Variants in TMEM144 observed in about 807,000 individuals in gnomAD.
The protein encoded by TMEM144 is transmembrane protein 144.
Under a neutral mutation model 43.6 loss-of-function variants are expected in TMEM144, and 39 were observed. The ratio of observed to expected loss-of-function variants is 0.90; its 90% CI spans 0.69 to 1.17. The LOEUF is 1.17. Ranked by LOEUF, TMEM144 falls within the 50% of genes most tolerant of loss-of-function variation. The pLI is 0.00. For missense variants in TMEM144, 417 were observed against 411.9 expected, an observed-to-expected ratio of 1.01 and a Z score of -0.11; for synonymous variants, 154 against 133.6, an observed-to-expected ratio of 1.15 and a Z score of -1.06.
intron 7 of TMEM144, 196 bp downstream of exon 7, chr4:158,233,178 C>G (rs1735168992): frequency 4.4e-6 from 2 of 454,754 alleles, no homozygotes; most frequent in South Asian, 4.0e-5. Flanking sequence ...TCTCAGCAAG[C>G]ACACGGGTTT....
At chr4:158,249,887 G>GGT (rs149144602) in intron 12 of TMEM144, among the ~76,000 whole-genome samples, 1,970 of 134,490 alleles carry the variant, frequency 0.015, 24 homozygotes, top group African/African-American at 0.036. Context: ...CCTACTGCCA[G>GGT]GTGTGTGTGT....
Position 158,232,811 on chromosome 4 carries a change from T to C in TMEM144, c.414-90T>C, listed in dbSNP as rs1220467656. 3 of 862,234 alleles carry C rather than the reference T, an allele frequency of 3.5e-6. No individual in the cohort carries two copies. The African/African-American group carries it at 5.2e-5, about 15-fold the overall frequency. The allele number at this position is 862,234 out of a possible 1,614,324, so 53.4% of individuals were successfully genotyped here. On this transcript the variant is annotated intron_variant, in intron 6 of 12. Coordinates refer to ENST00000296529, the MANE Select transcript of TMEM144 (RefSeq NM_018342.5). ...TCATTGTATCATTAGGATCCGATTA[T>C]TTAAGGTGTGTGTTTTTTTCTTAAA...
At chr4:158,243,335 A>C (rs148125976) in intron 11 of TMEM144, among the ~76,000 whole-genome samples, 74 of 152,314 alleles carry the variant, frequency 4.9e-4, no homozygotes, top group African/African-American at 1.7e-3. Flanking sequence ...AGATACTGAT[A>C]AACAGAGAGG....
chr4:158,217,421 G>A lies in TMEM144; in HGVS notation c.332+1G>A. 1.2e-6 allele frequency: 2 copies of A among 1,607,052 alleles called. No individual in the cohort carries two copies. Among genetic ancestry groups the A allele is most frequent in the Non-Finnish European group, 1.7e-6 (2 of 1,174,196 alleles). On this transcript the variant is annotated splice_donor_variant, in intron 5 of 12. Coordinates refer to ENST00000296529, the MANE Select transcript of TMEM144 (RefSeq NM_018342.5). LOFTEE classifies it high-confidence loss of function. ...CCTTAACTGGCTGGGCAAGCTCAAGGTAATTCAAGTCAAACTAGTTCAACT... is the reference window on the plus strand; with the variant it reads ...CCTTAACTGGCTGGGCAAGCTCAAGATAATTCAAGTCAAACTAGTTCAACT...
At position 158,253,704 on chromosome 4, in the gene TMEM144, A is replaced by T; in HGVS notation, c.*177A>T. On this transcript the variant is annotated 3_prime_UTR_variant, in exon 13 of 13. Transcript: ENST00000296529. ...TGAGAATGAAGGAAGATTGAGTTTC[A>T]TTCAAGTATAAAAATGAAAATTTCT... 1 of 580,430 alleles carries T rather than the reference A, an allele frequency of 1.7e-6. No homozygotes were observed. The highest frequency in any genetic ancestry group is 3.0e-6 in the Non-Finnish European group (1 of 329,590). The allele number at this position is 580,430 out of a possible 1,614,324, so 36.0% of individuals were successfully genotyped here.
At chr4:158,241,919 T>C (rs1375359904) in intron 11 of TMEM144, among the ~76,000 whole-genome samples, 1 of 152,212 alleles carries the variant, frequency 6.6e-6, no homozygotes, top group African/African-American at 2.4e-5. Flanking sequence ...TATTCTCTCC[T>C]TATATAAAAG....
At chr4:158,223,853 A>T (rs768506273) in intron 6 of TMEM144, among the ~76,000 whole-genome samples, 1 of 152,226 alleles carries the variant, frequency 6.6e-6, no homozygotes, top group Non-Finnish European at 1.5e-5. Context: ...TGCTATTGTA[A>T]ATAGTGCTGC....
intron 7 of TMEM144, chr4:158,235,140 A>G: frequency 3.9e-6 from 1 of 258,356 alleles, no homozygotes. Context: ...GACCATTAAA[A>G]TATGCAAATG....
intron 2 of TMEM144, chr4:158,211,989 C>T (rs1300833228): frequency 6.6e-6 from 1 of 152,070 alleles, no homozygotes; most frequent in Non-Finnish European, 1.5e-5. Flanking sequence ...TACATATATA[C>T]AAGAAGTTAT....
At position 158,240,328 on chromosome 4, in the gene TMEM144, G is replaced by A; in HGVS notation, c.712G>A (p.Gly238Ser). Residue 238 changes from glycine (G) to serine (S), a missense_variant, in exon 10 of 13, where the codon GGC (glycine) becomes AGC (serine). Gly to Ser is a moderately conservative substitution (Grantham distance 56, BLOSUM62 0). Transcript: ENST00000296529. ...AGACTATGTGTTTGCGCACTTCAGT[G>A]GCATCTTTCTTACAAGTACTGTCTA... ...DLDYVFAHFS[G>S]IFLTSTVYFL... 6.2e-7 allele frequency: 1 copy of A among 1,613,540 alleles called. No individual in the cohort carries two copies. Among genetic ancestry groups the A allele is most frequent in the East Asian group, 2.2e-5 (1 of 44,838 alleles).
At chr4:158,244,250 C>T in intron 11 of TMEM144, 46 bp from the exon 12 acceptor site, 1 of 1,377,606 alleles carries the variant, frequency 7.3e-7, no homozygotes, top group Non-Finnish European at 1.0e-6. Context: ...AGAATCTAGT[C>T]ATAGGTAAAT....
intron 12 of TMEM144, among the ~76,000 whole-genome samples, chr4:158,248,865 T>C (rs1736025897): frequency 6.6e-6 from 1 of 152,212 alleles, no homozygotes; most frequent in Non-Finnish European, 1.5e-5. Context: ...TTTAATGCCA[T>C]CAGTGCATCA....
At chr4:158,224,665 A>C (rs1026482768) in intron 6 of TMEM144, among the ~76,000 whole-genome samples, 4 of 152,198 alleles carry the variant, frequency 2.6e-5, no homozygotes, top group African/African-American at 9.7e-5. Flanking sequence ...GGTCTGAGGA[A>C]GGTCAGTTGA....
intron 8 of TMEM144, chr4:158,235,751 A>T: frequency 2.8e-6 from 1 of 355,222 alleles, no homozygotes; most frequent in East Asian, 4.4e-5. Flanking sequence ...AGTAGATAAT[A>T]AAAGCAACCT....
chr4:158,247,149 A>G (rs1227136027), intron 12 of TMEM144, among the ~76,000 whole-genome samples: 2 of 151,906 alleles, frequency 1.3e-5, no homozygotes, highest in Admixed American at 6.6e-5. Flanking sequence ...TTACTCTACC[A>G]TATCAAATAT....
intron 12 of TMEM144, 32 bp downstream of exon 12, chr4:158,244,381 G>A: frequency 1.9e-6 from 3 of 1,580,948 alleles, no homozygotes; most frequent in East Asian, 4.5e-5. Context: ...CTTAGAAAAT[G>A]GGAATGGGGT....
chr4:158,236,156 G>A (rs1735334681), intron 8 of TMEM144, among the ~76,000 whole-genome samples: 1 of 152,146 alleles, frequency 6.6e-6, no homozygotes, highest in Non-Finnish European at 1.5e-5. Context: ...TTCATGTGGT[G>A]ACACCTTTTG....
intron 12 of TMEM144, among the ~76,000 whole-genome samples, chr4:158,249,652 G>A (rs566161495): frequency 2.0e-5 from 3 of 152,184 alleles, no homozygotes; most frequent in Non-Finnish European, 2.9e-5. Context: ...GCTTAGCAAT[G>A]TATTCACGTA....
chr4:158,218,429 C>T (rs902197067), intron 5 of TMEM144, among the ~76,000 whole-genome samples: 32 of 152,090 alleles, frequency 2.1e-4, no homozygotes, highest in Non-Finnish European at 4.4e-4. Flanking sequence ...CACCTCAAAA[C>T]AACAAAACAA....
Sources: allele counts gnomAD v4.1 joint callset (sites outside exome capture counted in the v4.1 genomes callset), GRCh38; gene constraint gnomAD v4.1.1; transcripts MANE v1.5; gene names NCBI Gene and HGNC (gene_info 2026-07-23, HGNC 2026-07-21).